The following HMCN1 variants were observed in gnomAD, a reference collection of about 807,000 sequenced individuals.
The protein encoded by HMCN1 is hemicentin 1, also known as hemicentin-1.
Under a neutral mutation model 625.9 loss-of-function variants are expected in HMCN1, and 321 were observed. The ratio of observed to expected loss-of-function variants is 0.51; its 90% CI spans 0.47 to 0.56. HMCN1 has a LOEUF of 0.56. HMCN1 is among the 20% of genes least tolerant of loss of function. The probability of loss-of-function intolerance (pLI) is 0.00; values close to 1 mark genes in which losing one functional copy is unlikely to be tolerated. For synonymous variants in HMCN1, 2,425 were observed against 2,417.6 expected (o/e 1.00, Z -0.09); for missense variants, 6,588 against 6,887.3 (o/e 0.96, Z 1.54).
At chr1:186,066,795 C>T (rs939434795) in intron 49 of HMCN1, among the ~76,000 whole-genome samples, 9 of 152,132 alleles carry the variant, frequency 5.9e-5, no homozygotes, top group Non-Finnish European at 1.2e-4. Flanking sequence ...CTTGAGCCAC[C>T]TCTTAAATAC....
intron 16 of HMCN1, among the ~76,000 whole-genome samples, chr1:185,979,730 A>G (rs1651483732): frequency 6.6e-6 from 1 of 152,204 alleles, no homozygotes; most frequent in Non-Finnish European, 1.5e-5. Flanking sequence ...TTAGATGCAT[A>G]TGGTTAGCAG....
chr1:186,092,742 T>C (rs2102415662), intron 64 of HMCN1, among the ~76,000 whole-genome samples: 1 of 152,198 alleles, frequency 6.6e-6, no homozygotes, highest in Admixed American at 6.6e-5. Flanking sequence ...ATTAAGGTAT[T>C]AAGTTGTTTA....
intron 4 of HMCN1, among the ~76,000 whole-genome samples, chr1:185,873,329 G>GTACCT (rs1663739654): frequency 6.6e-6 from 1 of 152,130 alleles, no homozygotes; most frequent in Admixed American, 6.5e-5. Flanking sequence ...TTGAAAGACA[G>GTACCT]TACCTATTCT....
chr1:186,043,648 G>A (rs1274229672), intron 40 of HMCN1, among the ~76,000 whole-genome samples: 2 of 152,014 alleles, frequency 1.3e-5, no homozygotes, highest in Non-Finnish European at 2.9e-5. Flanking sequence ...ATACAGTTAT[G>A]GTTCTTTTTT....
chr1:185,857,013 T>C (rs535330190), intron 2 of HMCN1, among the ~76,000 whole-genome samples: 1 of 152,304 alleles, frequency 6.6e-6, no homozygotes, highest in East Asian at 1.9e-4. Flanking sequence ...TCCTACACTG[T>C]CTTGTATTTA....
chr1:186,138,113 C>A, intron 89 of HMCN1, 141 bp downstream of exon 89: 1 of 961,570 alleles, frequency 1.0e-6, no homozygotes, highest in Non-Finnish European at 1.6e-6. Flanking sequence ...TCACTATATT[C>A]TTAGTTCTCT....
At chr1:186,019,730 A>G in intron 35 of HMCN1, 35 bp downstream of exon 35, 1 of 1,557,606 alleles carries the variant, frequency 6.4e-7, no homozygotes, top group Non-Finnish European at 8.8e-7. Context: ...AAACTGGGAA[A>G]GCTACATATA....
chr1:186,095,799 A>G (rs2102424239), intron 68 of HMCN1, among the ~76,000 whole-genome samples: 1 of 152,282 alleles, frequency 6.6e-6, no homozygotes, highest in South Asian at 2.1e-4. Flanking sequence ...GCAGCTTTTT[A>G]AACTTTTGCC....
At chr1:185,784,830 T>C (rs1284030361) in intron 1 of HMCN1, among the ~76,000 whole-genome samples, 1 of 152,220 alleles carries the variant, frequency 6.6e-6, no homozygotes, top group Non-Finnish European at 1.5e-5. Context: ...ATTTGACAAA[T>C]GCGTCTACCA....
intron 84 of HMCN1, 106 bp downstream of exon 84, chr1:186,130,206 C>A (rs1293127478): frequency 1.2e-5 from 17 of 1,423,568 alleles, no homozygotes; most frequent in Non-Finnish European, 1.6e-5. Flanking sequence ...AGTTTTTAAT[C>A]CACTCAGTCC....
intron 1 of HMCN1, among the ~76,000 whole-genome samples, chr1:185,805,643 T>C (rs1443213963): frequency 6.6e-6 from 1 of 152,202 alleles, no homozygotes; most frequent in African/African-American, 2.4e-5. Context: ...TGTGATCTTT[T>C]TGCAAATTTA....
chr1:186,109,844 A>G (rs1329990897), intron 71 of HMCN1, among the ~76,000 whole-genome samples: 1 of 152,186 alleles, frequency 6.6e-6, no homozygotes, highest in African/African-American at 2.4e-5. Context: ...GATTCTGGTT[A>G]AATCACTCAA....
chr1:186,182,872 G>A (rs1653023665), intron 105 of HMCN1, among the ~76,000 whole-genome samples: 1 of 152,098 alleles, frequency 6.6e-6, no homozygotes, highest in Non-Finnish European at 1.5e-5. Context: ...ACAAAATATA[G>A]CTCATTGGTT....
At chr1:185,801,713 A>G (rs1156282942) in intron 1 of HMCN1, among the ~76,000 whole-genome samples, 1 of 152,172 alleles carries the variant, frequency 6.6e-6, no homozygotes, top group Non-Finnish European at 1.5e-5. Context: ...GGGAAGAACA[A>G]TCTAGGGAAC....
intron 11 of HMCN1, among the ~76,000 whole-genome samples, chr1:185,958,355 G>C (rs116283734): frequency 0.018 from 2,705 of 152,268 alleles, 67 homozygotes; most frequent in African/African-American, 0.061. Context: ...CTGGGTTCAA[G>C]TGATCCTCCT....
In HMCN1 at chr1:185,777,456, C is replaced by CT. The variant is rs543632992; in HGVS notation, c.268+42421dup. 8.0e-4 allele frequency among the ~76,000 whole-genome samples: 117 copies of CT among 146,194 alleles called. 1 individual carries two copies. The highest frequency in any genetic ancestry group is 1.8e-3 in the East Asian group (9 of 5,056). ...GGTGCACTATGCTTGCTTTCTTTTT[C>CT]TTTTTTTTTTTTCTGAGATGGAGTC... On this transcript the variant is annotated intron_variant, in intron 1 of 106. Coordinates refer to ENST00000271588, the MANE Select transcript of HMCN1 (RefSeq NM_031935.3).
Position 185,734,702 on chromosome 1 carries a change from A to C in HMCN1, c.-78A>C. On this transcript the variant is annotated 5_prime_UTR_variant, in exon 1 of 107. Transcript: ENST00000271588. ...GTCTGATGAGTTACTCTGAGAGGAA[A>C]CCCTCTGCCTGTTGTTGAGGAGGAC... 7.1e-7 allele frequency: 1 copy of C among 1,405,278 alleles called. No homozygotes were observed. Among genetic ancestry groups the C allele is most frequent in the Non-Finnish European group, 1.0e-6 (1 of 995,470 alleles). The allele number at this position is 1,405,278 out of a possible 1,614,324, so 87.1% of individuals were successfully genotyped here.
chr1:186,171,742 A>G (rs1652247053), intron 101 of HMCN1, among the ~76,000 whole-genome samples: 1 of 152,144 alleles, frequency 6.6e-6, no homozygotes, highest in South Asian at 2.1e-4. Context: ...AAGTTAGTAT[A>G]TATAAATTTT....
intron 10 of HMCN1, among the ~76,000 whole-genome samples, chr1:185,932,744 C>T (rs1201167846): frequency 2.0e-5 from 3 of 151,918 alleles, no homozygotes; most frequent in African/African-American, 4.8e-5. Context: ...GGGGAGGGAA[C>T]TTAGAGGACA....
Sources: allele counts gnomAD v4.1 joint callset (sites outside exome capture counted in the v4.1 genomes callset), GRCh38; gene constraint gnomAD v4.1.1; transcripts MANE v1.5; gene names NCBI Gene and HGNC (gene_info 2026-07-23, HGNC 2026-07-21).